Variants in MAP1A observed in about 807,000 individuals in gnomAD.
MAP1A encodes the protein microtubule associated protein 1A, also known as microtubule-associated protein 1A.
A neutral mutation model predicts 185.9 loss-of-function variants in MAP1A; 42 were observed. That is an observed-to-expected ratio of 0.23 (90% CI 0.18 to 0.29). The LOEUF is 0.29. Ranked by LOEUF, MAP1A falls within the 10% of genes least tolerant of loss-of-function variation. The probability of loss-of-function intolerance (pLI) is 1.00; values close to 1 mark genes in which losing one functional copy is unlikely to be tolerated. For synonymous variants in MAP1A, 1,229 were observed against 1,335.9 expected, an observed-to-expected ratio of 0.92 and a Z score of 1.74; for missense variants, 2,995 against 3,450.4, an observed-to-expected ratio of 0.87 and a Z score of 3.31.
At position 43,525,971 on chromosome 15, in the gene MAP1A, G is replaced by T; in HGVS notation, c.4498G>T (p.Asp1500Tyr). The T allele has an allele frequency of 6.2e-7, 1 of 1,614,064 alleles. No homozygotes were observed. The highest frequency in any genetic ancestry group is 1.1e-5 in the South Asian group (1 of 91,078). ...KIPEEKDKAL[D>Y]QKVRSVEHKA... ...CCCAGAAGAGAAAGACAAAGCCTTA[G>T]ATCAAAAAGTCAGAAGTGTTGAACA... Residue 1500 changes from aspartate to tyrosine, a missense_variant, in exon 4 of 6, where the codon GAT (aspartate) becomes TAT (tyrosine). By Grantham distance (160) the Asp-to-Tyr change is radical (BLOSUM62 -3). Coordinates refer to ENST00000300231, the MANE Select transcript of MAP1A (RefSeq NM_002373.6).
intron 1 of MAP1A, among the ~76,000 whole-genome samples, chr15:43,518,115 G>A (rs1422643213): frequency 6.6e-6 from 1 of 152,180 alleles, no homozygotes; most frequent in Non-Finnish European, 1.5e-5. Flanking sequence ...TCAGCTGCTG[G>A]ATTGCTCAGC....
chr15:43,512,639 C>T (rs75273278), upstream of MAP1A, among the ~76,000 whole-genome samples: 1,632 of 152,312 alleles, frequency 0.011, 36 homozygotes, highest in African/African-American at 0.038. Flanking sequence ...CTGCATACCC[C>T]GGGTCTCCCT....
At chr15:43,519,687 T>C (rs1226316678) in intron 1 of MAP1A, among the ~76,000 whole-genome samples, 2 of 152,220 alleles carry the variant, frequency 1.3e-5, no homozygotes, top group Non-Finnish European at 2.9e-5. Flanking sequence ...TGGTGTTTCA[T>C]GTGAGGCTGG....
At chr15:43,520,867 A>G in intron 2 of MAP1A, 105 bp from the exon 3 acceptor site, 1 of 1,335,680 alleles carries the variant, frequency 7.5e-7, no homozygotes, top group South Asian at 1.3e-5. Flanking sequence ...TGGAGGTGTT[A>G]TGAGGGACAT....
In MAP1A at chr15:43,523,314, C is replaced by G; in HGVS notation, c.1841C>G (p.Ala614Gly). 3 of 1,611,144 alleles carry G rather than the reference C, an allele frequency of 1.9e-6. No homozygotes were observed. The South Asian group carries it at 3.3e-5, about 18-fold the overall frequency. Residue 614 changes from alanine (A) to glycine (G), a missense_variant, in exon 4 of 6, where the codon GCT becomes GGT. Transcript: ENST00000300231. The stretch of plus-strand genomic sequence containing the variant: ...AAGGACAGAGGCCTAGACTCTGGGG[C>G]TGAAACAGAGGAAGAGAAAGATACC... ...GSKDRGLDSG[A>G]ETEEEKDTWE... is the part of the protein sequence containing the mutation.
Position 43,527,032 on chromosome 15 carries a change from C to A in MAP1A, c.5559C>A (p.Pro1853=), listed in dbSNP as rs768582509. The change falls in exon 4 of 6, where the codon CCC becomes CCA. Residue 1853 remains proline, a synonymous_variant. Coordinates refer to ENST00000300231, the MANE Select transcript of MAP1A (RefSeq NM_002373.6). The part of the protein sequence containing the change: ...PPWVPKDRPL[P]PAPLSPAPGP... The stretch of plus-strand genomic sequence containing the variant: ...GGGTGCCCAAGGACAGACCCCTCCC[C>A]CCTGCACCCCTCTCCCCAGCTCCTG... The A allele has an allele frequency of 1.7e-5, 27 of 1,599,266 alleles. No individual in the cohort carries two copies. In the African/African-American group the frequency reaches 3.1e-4, roughly 18 times the overall value.
At position 43,521,674 on chromosome 15, in the gene MAP1A, T is replaced by G; in HGVS notation, c.201T>G (p.Asp67Glu). The G allele has an allele frequency of 6.2e-7, 1 of 1,614,152 alleles. No individual in the cohort carries two copies. Among genetic ancestry groups the G allele is most frequent in the Non-Finnish European group, 8.5e-7 (1 of 1,180,028 alleles). Residue 67 changes from aspartate (D) to glutamate (E), a missense_variant, in exon 4 of 6, where the codon GAT (aspartate) becomes GAG (glutamate). Around this residue, in one of 3 missense-constraint regions of MAP1A, gnomAD observed 264 missense variants for 435.3 expected, o/e 0.61. Transcript: ENST00000300231. The surrounding 1 kb of genome is among the most constrained non-coding windows in gnomAD (Gnocchi z 4.6). ...ACATCCTGGTGGATGGTGGCTCTGA[T>G]CGCAAGTCCTGTTTTTGGAAGCTGG... is the stretch of plus-strand genomic sequence containing the variant. ...GFNILVDGGS[D>E]RKSCFWKLVR... is the part of the protein sequence containing the mutation.
chr15:43,527,508 C>A lies in MAP1A; in HGVS notation c.6035C>A (p.Ser2012Tyr). The change falls in exon 4 of 6, where the codon TCT (serine) becomes TAT (tyrosine). Residue 2012 changes from serine (S) to tyrosine (Y), a missense_variant. Coordinates refer to ENST00000300231, the MANE Select transcript of MAP1A (RefSeq NM_002373.6). ...TKEAAAGRNT[S>Y]AEKELSSPIS... The stretch of plus-strand genomic sequence containing the variant: ...GAGGCAGCTGCCGGCCGAAACACAT[C>A]TGCAGAGAAGGAGCTTTCATCTCCT... The A allele has an allele frequency of 6.2e-7, 1 of 1,614,120 alleles. No homozygotes were observed. The highest frequency in any genetic ancestry group is 8.5e-7 in the Non-Finnish European group (1 of 1,180,012).
chr15:43,524,177 G>A lies in MAP1A; in HGVS notation c.2704G>A (p.Glu902Lys), dbSNP rs1056439301. Residue 902 changes from glutamate to lysine, a missense_variant, in exon 4 of 6, where the codon GAA becomes AAA. Transcript: ENST00000300231. ...TACCATCTCACCCACCTCCTCACTG[G>A]AAGAAGACAAGGGCTTCAAATCACC... is the stretch of plus-strand genomic sequence containing the variant. ...AGTISPTSSL[E>K]EDKGFKSPPC... The A allele has an allele frequency of 1.2e-6, 2 of 1,614,046 alleles. No individual in the cohort carries two copies. Among genetic ancestry groups the A allele is most frequent in the African/African-American group, 2.7e-5 (2 of 74,908 alleles).
Position 43,524,165 on chromosome 15 carries a change from A to C in MAP1A, c.2692A>C (p.Thr898Pro). Residue 898 changes from threonine to proline, a missense_variant, in exon 4 of 6, where the codon ACC becomes CCC. By Grantham distance (38) the Thr-to-Pro change is conservative (BLOSUM62 -1). Transcript: ENST00000300231. ...YVPSAGTISP[T>P]SSLEEDKGFK... is the part of the protein sequence containing the mutation. ...GCCATCAGCTGGTACCATCTCACCCACCTCCTCACTGGAAGAAGACAAGGG... is the reference window on the plus strand; with the variant it reads ...GCCATCAGCTGGTACCATCTCACCCCCCTCCTCACTGGAAGAAGACAAGGG... 4 of 1,613,674 alleles carry C rather than the reference A, an allele frequency of 2.5e-6. No individual in the cohort carries two copies. The highest frequency in any genetic ancestry group is 3.4e-6 in the Non-Finnish European group (4 of 1,179,924).
chr15:43,526,135 A>G lies in MAP1A; in HGVS notation c.4662A>G (p.Lys1554=), dbSNP rs905697185. ...SEKKDQALEQ[K]YWALGQKDEA... is the part of the protein sequence containing the mutation. ...AGAAGGATCAGGCCTTAGAACAAAAATACTGGGCTTTGGGACAGAAGGATG... is the reference window on the plus strand; with the variant it reads ...AGAAGGATCAGGCCTTAGAACAAAAGTACTGGGCTTTGGGACAGAAGGATG... The change falls in exon 4 of 6, where the codon AAA becomes AAG. Residue 1554 remains lysine, a synonymous_variant. Transcript: ENST00000300231. This position sits in a 1 kb window ranked among gnomAD's most constrained non-coding sequence, Gnocchi z 4.7. 7 of 1,614,084 alleles carry G rather than the reference A, an allele frequency of 4.3e-6. No homozygotes were observed. The highest frequency in any genetic ancestry group is 4.2e-6 in the Non-Finnish European group (5 of 1,180,046).
chr15:43,526,551 A>C lies in MAP1A; in HGVS notation c.5078A>C (p.Gln1693Pro), dbSNP rs774675478. 1.4e-5 allele frequency: 23 copies of C among 1,614,190 alleles called. No homozygotes were observed. The South Asian group carries it at 2.4e-4, about 17-fold the overall frequency. The change falls in exon 4 of 6, where the codon CAG becomes CCG. Residue 1693 changes from glutamine (Q) to proline (P), a missense_variant. Coordinates refer to ENST00000300231, the MANE Select transcript of MAP1A (RefSeq NM_002373.6). The surrounding 1 kb of genome is among the most constrained non-coding windows in gnomAD (Gnocchi z 4.7). ...WRGREDVALE[Q>P]DTYWRELSCE... Reference sequence around the variant, plus strand: ...GGCAGAGAGGATGTGGCCTTGGAACAGGACACATACTGGAGGGAGCTAAGC... The same window carrying C: ...GGCAGAGAGGATGTGGCCTTGGAACCGGACACATACTGGAGGGAGCTAAGC...
intron 1 of MAP1A, among the ~76,000 whole-genome samples, chr15:43,519,338 C>T (rs185581363): frequency 1.2e-3 from 181 of 152,334 alleles, no homozygotes; most frequent in Middle Eastern, 3.4e-3. Flanking sequence ...ATTTCCCCCA[C>T]AGCTGCATCT....
At position 43,524,794 on chromosome 15, in the gene MAP1A, G is replaced by C. The variant is rs2079335502; in HGVS notation, c.3321G>C (p.Glu1107Asp). Residue 1107 changes from glutamate (E) to aspartate (D), a missense_variant, in exon 4 of 6, where the codon GAG becomes GAC. Transcript: ENST00000300231. ...AIVFEIMEAG[E>D]PTGPILGAEA... ...TCTTTGAGATTATGGAGGCAGGAGA[G>C]CCCACAGGCCCAATTCTGGGAGCAG... is the stretch of plus-strand genomic sequence containing the variant. The C allele has an allele frequency of 1.2e-6, 2 of 1,614,056 alleles. No individual in the cohort carries two copies. Among genetic ancestry groups the C allele is most frequent in the African/African-American group, 2.7e-5 (2 of 74,912 alleles).
In MAP1A at chr15:43,521,081, A is replaced by G. The variant is rs1344464628; in HGVS notation, c.-182A>G. 1.3e-6 allele frequency: 2 copies of G among 1,549,650 alleles called. No homozygotes were observed. Among genetic ancestry groups the G allele is most frequent in the East Asian group, 4.9e-5 (2 of 40,928 alleles). ...CTACAGAGTGGCACCTACTCATATG[A>G]AAACTTTGCCCAGGTCCTTCACAAC... On this transcript the variant is annotated 5_prime_UTR_variant, in exon 3 of 6. Transcript: ENST00000300231. This position sits in a 1 kb window ranked among gnomAD's most constrained non-coding sequence, Gnocchi z 4.6.
At position 43,522,359 on chromosome 15, in the gene MAP1A, C is replaced by T. The variant is rs775265657; in HGVS notation, c.886C>T (p.Gln296Ter). The T allele has an allele frequency of 6.2e-7, 1 of 1,614,160 alleles. No homozygotes were observed. ...LDFLRYPVAT[Q>*]KDLASGAVPT... ...CTTCCTGCGTTACCCTGTGGCCACGCAGAAGGACCTGGCTTCTGGGGCTGT... is the reference window on the plus strand; with the variant it reads ...CTTCCTGCGTTACCCTGTGGCCACGTAGAAGGACCTGGCTTCTGGGGCTGT... Residue 296 changes from glutamine to a stop codon, truncating the protein, a stop_gained, in exon 4 of 6, where the codon CAG becomes TAG. Transcript: ENST00000300231. LOFTEE classifies it high-confidence loss of function. The surrounding 1 kb of genome is among the most constrained non-coding windows in gnomAD (Gnocchi z 5.9).
At position 43,522,964 on chromosome 15, in the gene MAP1A, G is replaced by A. The variant is rs752390670; in HGVS notation, c.1491G>A (p.Glu497=). 2 of 1,614,168 alleles carry A rather than the reference G, an allele frequency of 1.2e-6. No individual in the cohort carries two copies. Among genetic ancestry groups the A allele is most frequent in the Non-Finnish European group, 1.7e-6 (2 of 1,180,038 alleles). The part of the protein sequence containing the change: ...DRSRAIRGEK[E]LSSEPQTPPA... ...GCCGTGCTATCCGTGGGGAGAAGGA[G>A]CTGTCTTCTGAGCCCCAGACACCCC... The change falls in exon 4 of 6, where the codon GAG becomes GAA. Residue 497 remains glutamate (E), a synonymous_variant. Coordinates refer to ENST00000300231, the MANE Select transcript of MAP1A (RefSeq NM_002373.6). The surrounding 1 kb of genome is among the most constrained non-coding windows in gnomAD (Gnocchi z 5.9).
chr15:43,526,905 C>T lies in MAP1A; in HGVS notation c.5432C>T (p.Pro1811Leu). ...SPPEMVGQRV[P>L]SAPGQESPIP... ...CCTGAGATGGTTGGACAAAGGGTTC[C>T]TTCAGCCCCAGGACAAGAGAGTCCT... Residue 1811 changes from proline to leucine, a missense_variant, in exon 4 of 6, where the codon CCT (proline) becomes CTT (leucine). By Grantham distance (98) the Pro-to-Leu change is moderately conservative. Transcript: ENST00000300231. The surrounding 1 kb of genome is among the most constrained non-coding windows in gnomAD (Gnocchi z 4.7). The T allele has an allele frequency of 6.2e-7, 1 of 1,614,118 alleles. No homozygotes were observed. The highest frequency in any genetic ancestry group is 8.5e-7 in the Non-Finnish European group (1 of 1,180,008).
Position 43,529,584 on chromosome 15 carries a change from C to T in MAP1A, c.8036-66C>T, listed in dbSNP as rs1429155562. On this transcript the variant is annotated intron_variant, in intron 4 of 5. Transcript: ENST00000300231. This position sits in a 1 kb window ranked among gnomAD's most constrained non-coding sequence, Gnocchi z 4.3. ...GGCTGGTCAGACTTCAGGAGTGGGA[C>T]AGAGGGGAAGGTTGCCAAAAGGGTT... 8.1e-6 allele frequency: 13 copies of T among 1,603,792 alleles called. No individual in the cohort carries two copies. The highest frequency in any genetic ancestry group is 1.1e-5 in the Non-Finnish European group (13 of 1,171,448).
Sources: gnomAD v4.1 joint callset for allele counts (sites outside exome capture counted in the v4.1 genomes callset) on GRCh38, gnomAD v4.1.1 for gene constraint, gnomAD v4.1.1 regional missense constraint, Gnocchi (gnomAD v3.1) non-coding constraint, MANE v1.5 for transcripts, NCBI Gene and HGNC (gene_info 2026-07-23, HGNC 2026-07-21) for gene names.